CNTNAP3B: variants seen among roughly 807,000 people sequenced by gnomAD.
The protein encoded by CNTNAP3B is contactin associated protein family member 3B.
In CNTNAP3B, 25 loss-of-function variants were observed where a neutral mutation model predicts 108.9. That is an observed-to-expected ratio of 0.23 (90% CI 0.17 to 0.32). CNTNAP3B has a LOEUF of 0.32. Ranked by LOEUF, CNTNAP3B falls within the 10% of genes least tolerant of loss-of-function variation. CNTNAP3B has a pLI of 1.00. For missense variants in CNTNAP3B, 252 were observed against 1,210.4 expected, an observed-to-expected ratio of 0.21 and a Z score of 11.75; for synonymous variants, 103 against 473.4, an observed-to-expected ratio of 0.22 and a Z score of 10.16.
intron 14 of CNTNAP3B, among the ~76,000 whole-genome samples, chr9:41,934,180 C>CAT (rs1354033147): frequency 3.0e-5 from 3 of 100,482 alleles, no homozygotes; most frequent in East Asian, 4.8e-4. Flanking sequence ...TATATATACA[C>CAT]ACACACACAT....
At chr9:42,097,537 T>C (rs1827931792) in intron 2 of CNTNAP3B, among the ~76,000 whole-genome samples, 2 of 140,182 alleles carry the variant, frequency 1.4e-5, no homozygotes, top group African/African-American at 5.6e-5. Flanking sequence ...GCAGGAACTT[T>C]CCAAAATTTA....
At chr9:41,936,868 T>C (rs1375396218) in intron 14 of CNTNAP3B, among the ~76,000 whole-genome samples, 2 of 152,310 alleles carry the variant, frequency 1.3e-5, no homozygotes, top group African/African-American at 4.8e-5. Flanking sequence ...TTAAAAATAA[T>C]ATCCATGTAA....
At chr9:42,110,478 G>C (rs1828173863) in intron 1 of CNTNAP3B, among the ~76,000 whole-genome samples, 1 of 133,816 alleles carries the variant, frequency 7.5e-6, no homozygotes, top group South Asian at 2.4e-4. Flanking sequence ...TTATTAAAGA[G>C]TTCAACAGAT....
Position 41,964,987 on chromosome 9 carries a change from A to T in CNTNAP3B, c.1650-343T>A, listed in dbSNP as rs374315839. ...CATGCTCAGTTACTATATTGTGGTC[A>T]TTTTTAAAAGAAAGAAGGGGAAACA... On this transcript the variant is annotated intron_variant, in intron 10 of 23. Transcript: ENST00000377561. Among the ~76,000 whole-genome samples, 5 of 152,262 alleles carry T rather than the reference A, an allele frequency of 3.3e-5. No homozygotes were observed. In the East Asian group the frequency reaches 9.6e-4, roughly 29 times the overall value.
intron 14 of CNTNAP3B, among the ~76,000 whole-genome samples, chr9:41,934,496 C>T (rs1388181926): frequency 6.6e-6 from 1 of 152,262 alleles, no homozygotes; most frequent in African/African-American, 2.4e-5. Context: ...GCTGGGATTA[C>T]AGGCGTGAGC....
chr9:41,940,288 A>G (rs1307994130), intron 13 of CNTNAP3B, among the ~76,000 whole-genome samples: 15 of 152,294 alleles, frequency 9.8e-5, no homozygotes, highest in Non-Finnish European at 4.4e-5. Flanking sequence ...TATCGACACC[A>G]AGATCCATCA....
intron 13 of CNTNAP3B, among the ~76,000 whole-genome samples, chr9:41,943,079 G>C (rs1444548105): frequency 2.0e-5 from 3 of 152,288 alleles, no homozygotes; most frequent in African/African-American, 7.2e-5. Context: ...AATATGCTAA[G>C]GGCTCTATGT....
At chr9:41,913,559 T>C (rs1453885034) in intron 18 of CNTNAP3B, among the ~76,000 whole-genome samples, 2 of 140,824 alleles carry the variant, frequency 1.4e-5, no homozygotes, top group Non-Finnish European at 1.5e-5. Context: ...ATTTAAAATA[T>C]GAAATTCAGT....
intron 3 of CNTNAP3B, among the ~76,000 whole-genome samples, chr9:42,070,612 G>T (rs1587246026): frequency 6.6e-6 from 1 of 151,244 alleles, no homozygotes; most frequent in Non-Finnish European, 1.5e-5. Flanking sequence ...CACACACTCA[G>T]ACTGAGAATG....
At chr9:41,962,847 C>T (rs569038316) in intron 11 of CNTNAP3B, among the ~76,000 whole-genome samples, 20 of 152,196 alleles carry the variant, frequency 1.3e-4, no homozygotes, top group Admixed American at 4.6e-4. Flanking sequence ...CCCAGGTACT[C>T]GGGAGGCTGA....
intron 14 of CNTNAP3B, among the ~76,000 whole-genome samples, chr9:41,935,382 A>T (rs1824125311): frequency 6.6e-6 from 1 of 152,290 alleles, no homozygotes; most frequent in Non-Finnish European, 1.5e-5. Flanking sequence ...CTTTACTTTC[A>T]TTCCCAAATA....
rs1373973869 is a variant in CNTNAP3B at position 42,096,534 on chromosome 9, G to A, written c.196+8095C>T. Reference sequence around the variant, plus strand: ...GACAATCTGAGTTAGGAGCAAAGACGGAGGTCTGAGGGCACTGGCGAAAAA... The same window carrying A: ...GACAATCTGAGTTAGGAGCAAAGACAGAGGTCTGAGGGCACTGGCGAAAAA... On this transcript the variant is annotated intron_variant, in intron 2 of 23. Coordinates refer to ENST00000377561, the MANE Select transcript of CNTNAP3B (RefSeq NM_001201380.3). 1.3e-4 allele frequency among the ~76,000 whole-genome samples: 18 copies of A among 134,236 alleles called. 2 individuals are homozygous for A. The highest frequency in any genetic ancestry group is 1.8e-4 in the African/African-American group (6 of 33,242). The allele number at this position is 134,236 out of a possible 152,430, so 88.1% of individuals were successfully genotyped here.
intron 3 of CNTNAP3B, among the ~76,000 whole-genome samples, chr9:42,027,028 C>T (rs975441945): frequency 1.6e-5 from 1 of 63,794 alleles, no homozygotes; most frequent in Non-Finnish European, 2.9e-5. Flanking sequence ...CAAGAAATCC[C>T]ATCCTCATCA....
At chr9:42,097,181 G>A (rs866571367) in intron 2 of CNTNAP3B, among the ~76,000 whole-genome samples, 1 of 140,340 alleles carries the variant, frequency 7.1e-6, no homozygotes, top group African/African-American at 2.8e-5. Context: ...GGTTATTCCA[G>A]AAAATATTAG....
At chr9:41,952,301 G>A (rs1824713089) in intron 13 of CNTNAP3B, among the ~76,000 whole-genome samples, 10 of 152,186 alleles carry the variant, frequency 6.6e-5, no homozygotes, top group Admixed American at 6.5e-4. Flanking sequence ...AAGACAAGGT[G>A]TTGCTCTGCT....
chr9:42,014,542 G>A (rs1826186292), intron 3 of CNTNAP3B, among the ~76,000 whole-genome samples: 2 of 119,900 alleles, frequency 1.7e-5, no homozygotes, highest in East Asian at 3.1e-4. Context: ...TGTAATCCCA[G>A]TACTTTGGGA....
chr9:41,938,640 G>A (rs1411029823), intron 13 of CNTNAP3B, among the ~76,000 whole-genome samples: 2 of 152,270 alleles, frequency 1.3e-5, no homozygotes, highest in Non-Finnish European at 2.9e-5. Flanking sequence ...TCTTCTATTA[G>A]AAATCAGTCA....
intron 2 of CNTNAP3B, among the ~76,000 whole-genome samples, chr9:42,084,074 A>C (rs1278962736): frequency 1.3e-5 from 2 of 148,802 alleles, no homozygotes; most frequent in African/African-American, 5.1e-5. Flanking sequence ...AATATCAGAA[A>C]GAGCCCTAAA....
intron 15 of CNTNAP3B, among the ~76,000 whole-genome samples, chr9:41,925,309 C>T (rs1198323159): frequency 6.6e-6 from 1 of 152,038 alleles, no homozygotes; most frequent in Non-Finnish European, 1.5e-5. Flanking sequence ...AATAGCTTTT[C>T]TCGGCTAGGC....
Sources: allele counts gnomAD v4.1 joint callset (sites outside exome capture counted in the v4.1 genomes callset), GRCh38; gene constraint gnomAD v4.1.1; transcripts MANE v1.5; gene names NCBI Gene and HGNC (gene_info 2026-07-23, HGNC 2026-07-21).